PI4KA: variants seen among roughly 807,000 people sequenced by gnomAD.
The protein encoded by PI4KA is PI4-kinase alpha.
PI4KA carries 122 observed loss-of-function variants against 271.4 expected under a neutral mutation model. That is an observed-to-expected ratio of 0.45 (90% confidence interval 0.39 to 0.52). The LOEUF is 0.52. Among genes scored for constraint, PI4KA ranks in the 20% least tolerant of loss-of-function variants. The pLI is 0.00. For missense variants in PI4KA, 1,969 were observed against 2,769.1 expected, an observed-to-expected ratio of 0.71 and a Z score of 6.48; for synonymous variants, 1,041 against 1,078.8, an observed-to-expected ratio of 0.96 and a Z score of 0.69.
intron 1 of PI4KA, among the ~76,000 whole-genome samples, chr22:20,856,082 G>C (rs1197422221): frequency 1.3e-5 from 2 of 152,180 alleles, no homozygotes; most frequent in Non-Finnish European, 2.9e-5. Context: ...AGGAGTTCAA[G>C]ACCAGCCTGG....
At position 20,764,898 on chromosome 22, in the gene PI4KA, G is replaced by A; in HGVS notation, c.2627C>T (p.Pro876Leu). The A allele has an allele frequency of 6.2e-7, 1 of 1,613,518 alleles. No individual in the cohort carries two copies. The highest frequency in any genetic ancestry group is 8.5e-7 in the Non-Finnish European group (1 of 1,179,620). ...STIINLLDPPPEVSALINKLD... is the reference protein window; with the variant it reads ...STIINLLDPPLEVSALINKLD... ...CTTGTTGATGAGTGCGGACACCTCG[G>A]GAGGGGGGTCCAGCAGGTTGATGAT... is the stretch of plus-strand genomic sequence containing the variant. Residue 876 changes from proline to leucine, a missense_variant, in exon 22 of 55, where the codon CCC (proline) becomes CTC (leucine). By Grantham distance (98) the Pro-to-Leu change is moderately conservative. This residue lies in a region of PI4KA where 368 missense variants were observed against 544.3 expected (regional missense o/e 0.68). Transcript: ENST00000255882.
chr22:20,758,072 T>G (rs2147358984), intron 23 of PI4KA, among the ~76,000 whole-genome samples: 1 of 152,074 alleles, frequency 6.6e-6, no homozygotes, highest in African/African-American at 2.4e-5. Flanking sequence ...ACTTAAACAT[T>G]ATGAGATTCT....
intron 19 of PI4KA, among the ~76,000 whole-genome samples, chr22:20,777,043 G>GT (rs362134): frequency 0.032 from 4,769 of 148,586 alleles, 92 homozygotes; most frequent in Middle Eastern, 0.065. Flanking sequence ...GTTTTTTTTT[G>GT]TTTTTTTTTT....
chr22:20,768,755 G>A (rs1006662517), intron 19 of PI4KA, among the ~76,000 whole-genome samples: 10 of 152,162 alleles, frequency 6.6e-5, no homozygotes, highest in African/African-American at 2.4e-4. Flanking sequence ...GGCAGGCTCT[G>A]GGTAGGTGCT....
intron 43 of PI4KA, among the ~76,000 whole-genome samples, chr22:20,719,969 T>C (rs192989893): frequency 2.2e-5 from 3 of 135,396 alleles, no homozygotes; most frequent in Admixed American, 9.0e-5. Flanking sequence ...GAGCTTGCAG[T>C]GAGCCGAGAT....
At chr22:20,725,663 G>T in intron 42 of PI4KA, 1 of 362,354 alleles carries the variant, frequency 2.8e-6, no homozygotes, top group South Asian at 2.0e-5. Context: ...TGGAGGCGGA[G>T]GTGGGCAGAT....
At chr22:20,741,901 TC>T (rs1335094592) in intron 32 of PI4KA, among the ~76,000 whole-genome samples, 1 of 152,114 alleles carries the variant, frequency 6.6e-6, no homozygotes, top group African/African-American at 2.4e-5. Context: ...AGAAAAACAT[TC>T]CCGTGGACAA....
chr22:20,802,168 T>C (rs1935372328), intron 13 of PI4KA, 63 bp from the exon 14 acceptor site: 12 of 1,492,486 alleles, frequency 8.0e-6, no homozygotes, highest in Non-Finnish European at 1.1e-5. Flanking sequence ...ACCTTCTTTG[T>C]AATTCAAAAA....
At chr22:20,725,928 AGC>A (rs1255986860) in intron 42 of PI4KA, among the ~76,000 whole-genome samples, 1 of 151,164 alleles carries the variant, frequency 6.6e-6, no homozygotes, top group African/African-American at 2.4e-5. Context: ...AAAAAAAAAA[AGC>A]CAGGGAGACA....
At chr22:20,756,421 T>C (rs1418660929) in intron 23 of PI4KA, among the ~76,000 whole-genome samples, 2 of 152,056 alleles carry the variant, frequency 1.3e-5, no homozygotes, top group African/African-American at 4.8e-5. Context: ...GGTTTCTCCG[T>C]GTTGGTCAGG....
intron 1 of PI4KA, among the ~76,000 whole-genome samples, chr22:20,847,764 A>C (rs1926450166): frequency 1.3e-5 from 2 of 151,942 alleles, no homozygotes; most frequent in South Asian, 4.1e-4. Context: ...CAAAAAAAAA[A>C]ACAAAAAAAA....
intron 19 of PI4KA, among the ~76,000 whole-genome samples, chr22:20,769,284 T>C (rs78515290): frequency 0.033 from 5,009 of 152,314 alleles, 97 homozygotes; most frequent in Middle Eastern, 0.075. Flanking sequence ...CTGTGGGTTC[T>C]CCCTGCTCTC....
intron 3 of PI4KA, among the ~76,000 whole-genome samples, chr22:20,833,293 A>G (rs1296544405): frequency 6.6e-6 from 1 of 152,194 alleles, no homozygotes; most frequent in Non-Finnish European, 1.5e-5. Flanking sequence ...GGCCACAGCC[A>G]CAACACTCTG....
At chr22:20,807,257 T>G in intron 10 of PI4KA, 105 bp downstream of exon 10, 1 of 697,050 alleles carries the variant, frequency 1.4e-6, no homozygotes, top group Admixed American at 2.7e-5. Flanking sequence ...TGTTTTTCAG[T>G]GGCCCCAGCA....
chr22:20,743,825 C>T (rs1431711955), intron 30 of PI4KA, among the ~76,000 whole-genome samples: 2 of 151,906 alleles, frequency 1.3e-5, no homozygotes, highest in African/African-American at 2.4e-5. Flanking sequence ...GAGGCCGAGG[C>T]GGGCAGATCA....
intron 14 of PI4KA, 109 bp from the exon 15 acceptor site, chr22:20,799,875 A>G: frequency 1.6e-6 from 1 of 640,530 alleles, no homozygotes; most frequent in African/African-American, 1.9e-5. Context: ...ACTGCTCTGA[A>G]TTTTCTTCCC....
intron 19 of PI4KA, among the ~76,000 whole-genome samples, chr22:20,769,505 T>C (rs1932780114): frequency 1.3e-5 from 2 of 151,712 alleles, no homozygotes; most frequent in Non-Finnish European, 2.9e-5. Context: ...CCATCTCTAC[T>C]AAAAATACAA....
intron 23 of PI4KA, among the ~76,000 whole-genome samples, chr22:20,757,284 TAAGTG>T (rs1006040626): frequency 6.6e-6 from 1 of 152,230 alleles, no homozygotes; most frequent in African/African-American, 2.4e-5. Context: ...ATTTACTGGC[TAAGTG>T]CCACGCTCAG....
At chr22:20,755,113 T>C (rs1214628078) in intron 23 of PI4KA, among the ~76,000 whole-genome samples, 1 of 152,216 alleles carries the variant, frequency 6.6e-6, no homozygotes, top group Non-Finnish European at 1.5e-5. Flanking sequence ...TAATAGTAAC[T>C]GGAATTCTGT....
Sources: gnomAD v4.1 joint callset for allele counts (sites outside exome capture counted in the v4.1 genomes callset) on GRCh38, gnomAD v4.1.1 for gene constraint, gnomAD v4.1.1 regional missense constraint, MANE v1.5 for transcripts, NCBI Gene and HGNC (gene_info 2026-07-23, HGNC 2026-07-21) for gene names.